Variants in BCKDHB observed in about 807,000 individuals in gnomAD.
The protein encoded by BCKDHB is branched chain keto acid dehydrogenase E1 subunit beta, also known as 2-oxoisovalerate dehydrogenase subunit beta, mitochondrial.
Under a neutral mutation model 48.5 loss-of-function variants are expected in BCKDHB, and 41 were observed. That is an observed-to-expected ratio of 0.85 (90% CI 0.66 to 1.10). The LOEUF (loss-of-function observed/expected upper bound fraction) is 1.10. Ranked by LOEUF, BCKDHB falls within the 50% of genes least tolerant of loss-of-function variation. The probability of loss-of-function intolerance (pLI) is 0.00; values close to 1 mark genes in which losing one functional copy is unlikely to be tolerated. For synonymous variants in BCKDHB, 201 were observed against 174.8 expected (o/e 1.15, Z -1.18); for missense variants, 496 against 494.2 (o/e 1.00, Z -0.03).
intron 9 of BCKDHB, among the ~76,000 whole-genome samples, chr6:80,307,212 T>G (rs9443742): frequency 0.35 from 53,206 of 151,938 alleles, 9,480 homozygotes; most frequent in African/African-American, 0.37. Flanking sequence ...AATAGCTGTG[T>G]TTTCTTAAGA....
At chr6:80,404,097 C>T in the BCKDHB span, among the ~76,000 whole-genome samples, 1 of 151,782 alleles carries the variant, frequency 6.6e-6, no homozygotes, top group African/African-American at 2.4e-5. Context: ...CTTGTGTTAT[C>T]AGTTTCAAAG....
intron 9 of BCKDHB, among the ~76,000 whole-genome samples, chr6:80,300,990 G>A (rs1483303029): frequency 3.3e-5 from 5 of 152,054 alleles, no homozygotes; most frequent in Non-Finnish European, 7.4e-5. Flanking sequence ...AGAAATTAAT[G>A]AAAATAGGGA....
chr6:80,132,764 A>G (rs945103433), intron 3 of BCKDHB, among the ~76,000 whole-genome samples: 1 of 152,196 alleles, frequency 6.6e-6, no homozygotes, highest in Non-Finnish European at 1.5e-5. Flanking sequence ...GAAAAATTAA[A>G]TCGCTGATAC....
chr6:80,391,684 C>T, the BCKDHB span, among the ~76,000 whole-genome samples: 1 of 152,068 alleles, frequency 6.6e-6, no homozygotes, highest in Non-Finnish European at 1.5e-5. Flanking sequence ...TTACAGCATT[C>T]CTAGATACCT....
At chr6:80,178,923 A>G (rs1773288990) in intron 6 of BCKDHB, among the ~76,000 whole-genome samples, 1 of 152,192 alleles carries the variant, frequency 6.6e-6, no homozygotes, top group African/African-American at 2.4e-5. Flanking sequence ...TTATTATTGA[A>G]TGGAGGACAT....
At chr6:80,184,493 A>G (rs1773551284) in intron 6 of BCKDHB, among the ~76,000 whole-genome samples, 1 of 151,982 alleles carries the variant, frequency 6.6e-6, no homozygotes, top group African/African-American at 2.4e-5. Flanking sequence ...TTGCCTGAAT[A>G]CCTTTTTTTT....
the BCKDHB span, among the ~76,000 whole-genome samples, chr6:80,370,329 A>T: frequency 6.6e-6 from 1 of 152,160 alleles, no homozygotes; most frequent in Admixed American, 6.5e-5. Flanking sequence ...TATTCAGAAG[A>T]CTTGTGAAAA....
chr6:80,149,272 A>G (rs1174725544), intron 3 of BCKDHB, among the ~76,000 whole-genome samples: 3 of 152,348 alleles, frequency 2.0e-5, no homozygotes, highest in African/African-American at 4.8e-5. Flanking sequence ...ACAGTGAGAT[A>G]CCATCTCACA....
chr6:80,388,788 G>A, the BCKDHB span, among the ~76,000 whole-genome samples: 1 of 152,154 alleles, frequency 6.6e-6, no homozygotes, highest in Admixed American at 6.6e-5. Context: ...ACGATATGCA[G>A]GCACCAGCTG....
intron 9 of BCKDHB, among the ~76,000 whole-genome samples, chr6:80,280,392 A>G (rs34582554): frequency 2.2e-4 from 33 of 152,212 alleles, no homozygotes; most frequent in Non-Finnish European, 4.3e-4. Flanking sequence ...TGTGTAGAGG[A>G]TACACTGGGG....
At chr6:80,126,208 C>G (rs1770332753) in intron 1 of BCKDHB, among the ~76,000 whole-genome samples, 1 of 152,038 alleles carries the variant, frequency 6.6e-6, no homozygotes, top group Admixed American at 6.6e-5. Flanking sequence ...CTGGGGATTG[C>G]CAAGACCTGA....
chr6:80,363,442 C>T, the BCKDHB span, among the ~76,000 whole-genome samples: 50 of 152,028 alleles, frequency 3.3e-4, no homozygotes, highest in African/African-American at 1.2e-3. Context: ...CTTGTCTTTT[C>T]AAATAAAAGA....
At chr6:80,382,092 T>G in the BCKDHB span, among the ~76,000 whole-genome samples, 1 of 152,160 alleles carries the variant, frequency 6.6e-6, no homozygotes, top group South Asian at 2.1e-4. Context: ...AGGAAGCAGA[T>G]GTTGAAAATG....
the BCKDHB span, among the ~76,000 whole-genome samples, chr6:80,427,228 C>T: frequency 4.2e-3 from 633 of 151,900 alleles, 3 homozygotes; most frequent in Middle Eastern, 0.015. Context: ...GGTTTATTAG[C>T]GCTAATTCTT....
downstream of BCKDHB, among the ~76,000 whole-genome samples, chr6:80,349,620 T>C (rs552204728): frequency 2.0e-5 from 3 of 152,230 alleles, no homozygotes; most frequent in East Asian, 1.9e-4. Context: ...TGGAAAAATA[T>C]GTTAGGCAAA....
Position 80,151,315 on chromosome 6 carries a change from C to A in BCKDHB, c.344-16363C>A, listed in dbSNP as rs150122307. Among the ~76,000 whole-genome samples, 264 of 152,004 alleles carry A rather than the reference C, an allele frequency of 1.7e-3. 1 individual carries two copies. The highest frequency in any genetic ancestry group is 6.0e-3 in the African/African-American group (250 of 41,476). ...TGTTTGTTATAATTGATTTTAGATG[C>A]AGAAACATTTAGAGCTAGCATAAGA... On this transcript the variant is annotated intron_variant, in intron 3 of 9. Transcript: ENST00000320393.
intron 9 of BCKDHB, among the ~76,000 whole-genome samples, chr6:80,308,277 A>C (rs1767976077): frequency 6.6e-6 from 1 of 152,048 alleles, no homozygotes; most frequent in African/African-American, 2.4e-5. Flanking sequence ...CATATTCTTA[A>C]CTTGTTCAAA....
At chr6:80,334,366 C>T (rs1213579417) in intron 9 of BCKDHB, among the ~76,000 whole-genome samples, 1 of 151,982 alleles carries the variant, frequency 6.6e-6, no homozygotes. Flanking sequence ...GATATTCCTG[C>T]CAGAAACTTG....
chr6:80,346,572 C>G (rs894883865), downstream of BCKDHB, among the ~76,000 whole-genome samples: 1 of 152,172 alleles, frequency 6.6e-6, no homozygotes, highest in African/African-American at 2.4e-5. Flanking sequence ...TGCCTCTCTT[C>G]CGTGAGATGG....
Sources: gnomAD v4.1 joint callset for allele counts (sites outside exome capture counted in the v4.1 genomes callset) on GRCh38, gnomAD v4.1.1 for gene constraint, MANE v1.5 for transcripts, NCBI Gene and HGNC (gene_info 2026-07-23, HGNC 2026-07-21) for gene names.